Variants in PIGQ observed in about 807,000 individuals in gnomAD.
The protein encoded by PIGQ is phosphatidylinositol glycan anchor biosynthesis class Q.
A neutral mutation model predicts 60.3 loss-of-function variants in PIGQ; 54 were observed. The observed-to-expected ratio is 0.90, with a 90% CI of 0.72 to 1.12. The LOEUF is 1.12. Ranked by LOEUF, PIGQ falls within the 50% of genes most tolerant of loss-of-function variation. The pLI is 0.00. For missense variants in PIGQ, 799 were observed against 793.5 expected, an observed-to-expected ratio of 1.01 and a Z score of -0.08; for synonymous variants, 416 against 363.7, an observed-to-expected ratio of 1.14 and a Z score of -1.64.
Position 574,341 on chromosome 16 carries a change from C to G in PIGQ, c.267C>G (p.Pro89=). 1.2e-6 allele frequency: 2 copies of G among 1,609,128 alleles called. No homozygotes were observed. Among genetic ancestry groups the G allele is most frequent in the Non-Finnish European group, 1.7e-6 (2 of 1,179,446 alleles). Residue 89 remains proline, a synonymous_variant, in exon 2 of 11, where the codon CCC becomes CCG. Transcript: ENST00000321878. ...TGGAGAGCCTGGGTGCTGTCTTCCC[C>G]CATGAGCCCTGGCTGCGGCTGTGCC... ...RFLESLGAVF[P]HEPWLRLCRE... is the part of the protein sequence containing the mutation.
intron 9 of PIGQ, chr16:581,346 G>A: frequency 1.6e-6 from 2 of 1,219,694 alleles, no homozygotes; most frequent in South Asian, 1.5e-5. Context: ...CATCCAGTAA[G>A]TGCCCCGTCC....
At chr16:572,943 G>A (rs963835675) in intron 1 of PIGQ, among the ~76,000 whole-genome samples, 2 of 152,228 alleles carry the variant, frequency 1.3e-5, no homozygotes, top group Admixed American at 6.5e-5. Context: ...CAGGGTGGCC[G>A]CTCCACTCTT....
chr16:581,280 G>A, intron 9 of PIGQ: 1 of 1,340,816 alleles, frequency 7.5e-7, no homozygotes, highest in Middle Eastern at 2.0e-4. Context: ...CTGAACTGCA[G>A]GCCAGGGGCC....
At chr16:582,210 C>T (rs755723157) in intron 9 of PIGQ, 38 bp from the exon 10 acceptor site, 2 of 1,442,762 alleles carry the variant, frequency 1.4e-6, no homozygotes, top group Non-Finnish European at 1.9e-6. Flanking sequence ...GGGCCAGCCC[C>T]CACGCGTCCC....
chr16:583,701 G>C lies in PIGQ; in HGVS notation c.*666G>C. On this transcript the variant is annotated 3_prime_UTR_variant, in exon 11 of 11. Transcript: ENST00000321878. ...GGGGCGGGAGCAGCCTCAGTGTCAA[G>C]GGCCCGCCCACTGACCCAGCCGTAC... The C allele has an allele frequency of 1.3e-6, 2 of 1,569,724 alleles. No individual in the cohort carries two copies. The highest frequency in any genetic ancestry group is 1.7e-6 in the Non-Finnish European group (2 of 1,147,290).
rs781446048 is a variant in PIGQ at position 583,006 on chromosome 16, T to A, written c.1717T>A (p.Trp573Arg). Residue 573 changes from tryptophan to arginine, a missense_variant, in exon 11 of 11, where the codon TGG (tryptophan) becomes AGG (arginine). Trp to Arg is a moderately radical substitution (Grantham distance 101). Transcript: ENST00000321878. The part of the protein sequence containing the change: ...KLFLGELIYP[W>R]RQRGDKQD The stretch of plus-strand genomic sequence containing the variant: ...GTTCCTTGGGGAGCTCATCTACCCC[T>A]GGAGGCAGAGAGGGGACAAGCAGGA... 21 of 1,613,096 alleles carry A rather than the reference T, an allele frequency of 1.3e-5. No homozygotes were observed. Among genetic ancestry groups the A allele is most frequent in the Non-Finnish European group, 1.8e-5 (21 of 1,179,972 alleles).
Position 575,845 on chromosome 16 carries a change from C to G in PIGQ, c.696C>G (p.Phe232Leu). ...CCTCTCCACTCCCACGCAGAGTGTT[C>G]AAGCTCTGGCCCCTGTCCTTCCTCG... Reference protein sequence around the residue: ...LVSAVSACRVFKLWPLSFLGS... With the variant: ...LVSAVSACRVLKLWPLSFLGS... The change falls in exon 3 of 11, where the codon TTC becomes TTG. Residue 232 changes from phenylalanine (F) to leucine (L), a missense_variant. Coordinates refer to ENST00000321878, the MANE Select transcript of PIGQ (RefSeq NM_004204.5). The G allele has an allele frequency of 1.3e-6, 2 of 1,564,600 alleles. No individual in the cohort carries two copies. The highest frequency in any genetic ancestry group is 1.7e-6 in the Non-Finnish European group (2 of 1,153,986).
chr16:574,135 G>A lies in PIGQ; in HGVS notation c.61G>A (p.Gly21Arg), dbSNP rs763713766. 1 of 1,611,814 alleles carries A rather than the reference G, an allele frequency of 6.2e-7. No individual in the cohort carries two copies. The highest frequency in any genetic ancestry group is 2.2e-5 in the East Asian group (1 of 44,870). Residue 21 changes from glycine to arginine, a missense_variant, in exon 2 of 11, where the codon GGA (glycine) becomes AGA (arginine). Physicochemically the swap from Gly to Arg is moderately radical, Grantham distance 125 (BLOSUM62 -2). Coordinates refer to ENST00000321878, the MANE Select transcript of PIGQ (RefSeq NM_004204.5). ...CTCGACGGACAGCGGGCTGCTGGTG[G>A]GACGGTGGGTGCCGGAGCAGAGCAG... Reference protein sequence around the residue: ...CVSTDSGLLVGRWVPEQSSAV... With the variant: ...CVSTDSGLLVRRWVPEQSSAV...
At position 575,900 on chromosome 16, in the gene PIGQ, C is replaced by A. The variant is rs368598376; in HGVS notation, c.751C>A (p.Arg251=). The change falls in exon 3 of 11, where the codon CGG becomes AGG. Residue 251 remains arginine, a synonymous_variant. Transcript: ENST00000321878. Reference sequence around the variant, plus strand: ...CAAACTCTCCACGTGCGAACAGCTCCGGCACCGGCTGGAGCACCTCACGCT... The same window carrying A: ...CAAACTCTCCACGTGCGAACAGCTCAGGCACCGGCTGGAGCACCTCACGCT... ...GSKLSTCEQL[R]HRLEHLTLIF... The A allele has an allele frequency of 2.5e-6, 4 of 1,577,308 alleles. No homozygotes were observed. In the African/African-American group the frequency reaches 4.0e-5, roughly 16 times the overall value.
chr16:573,628 C>T (rs2035668392), intron 1 of PIGQ, among the ~76,000 whole-genome samples: 1 of 152,210 alleles, frequency 6.6e-6, no homozygotes, highest in South Asian at 2.1e-4. Context: ...CGTGACCTTG[C>T]TAATGAGATT....
At chr16:572,369 C>T (rs2035644251) in intron 1 of PIGQ, 5 of 382,592 alleles carry the variant, frequency 1.3e-5, no homozygotes, top group South Asian at 5.8e-5. Context: ...TCAGCTAGAA[C>T]CCACCGCCTT....
chr16:578,316 T>TG (rs750608394), intron 4 of PIGQ, 63 bp from the exon 5 acceptor site: 4 of 1,554,142 alleles, frequency 2.6e-6, no homozygotes, highest in Non-Finnish European at 3.5e-6. Context: ...CGAAAGAGCC[T>TG]GGGGAGATGC....
Position 579,093 on chromosome 16 carries a change from C to T in PIGQ, c.1248C>T (p.Gly416=). The T allele has an allele frequency of 2.5e-6, 4 of 1,612,790 alleles. No individual in the cohort carries two copies. The highest frequency in any genetic ancestry group is 3.4e-6 in the Non-Finnish European group (4 of 1,179,760). The part of the protein sequence containing the change: ...GARLYCLKIH[G]LSSLWRLFRG... ...GGCTGTACTGCCTGAAGATCCATGG[C>T]CTGTCCTCACTGTGGCGTCTGTTCC... The change falls in exon 7 of 11, where the codon GGC becomes GGT. Residue 416 remains glycine, a synonymous_variant. Coordinates refer to ENST00000321878, the MANE Select transcript of PIGQ (RefSeq NM_004204.5).
rs1168037062 is a variant in PIGQ, at chr16:580,920, C to T, written c.1479C>T (p.Ser493=). 8 of 1,610,630 alleles carry T rather than the reference C, an allele frequency of 5.0e-6. No individual in the cohort carries two copies. Among genetic ancestry groups the T allele is most frequent in the Admixed American group, 1.7e-5 (1 of 60,036 alleles). Residue 493 remains serine, a synonymous_variant, in exon 9 of 11, where the codon TCC becomes TCT. Transcript: ENST00000321878. ...LIHLLVDLIN[S]LPLYSLGLRL... is the part of the protein sequence containing the mutation. ...ATCTGCTCGTGGACCTCATCAACTC[C>T]CTGCCGCTGTACTCACTGGGTCTTC...
At position 579,200 on chromosome 16, in the gene PIGQ, G is replaced by A; in HGVS notation, c.1335+20G>A. 1 of 1,590,486 alleles carries A rather than the reference G, an allele frequency of 6.3e-7. No homozygotes were observed. Among genetic ancestry groups the A allele is most frequent in the Non-Finnish European group, 8.6e-7 (1 of 1,159,944 alleles). ...GACCAGGTATGGGGCAGGGTTCGTG[G>A]CTGGAGGGGCTGACTGCCTCCGGCC... On this transcript the variant is annotated intron_variant, in intron 7 of 10. Coordinates refer to ENST00000321878, the MANE Select transcript of PIGQ (RefSeq NM_004204.5).
Position 578,769 on chromosome 16 carries a change from T to C in PIGQ, c.1070-16T>C. 2 of 1,610,946 alleles carry C rather than the reference T, an allele frequency of 1.2e-6. No homozygotes were observed. Among genetic ancestry groups the C allele is most frequent in the South Asian group, 2.2e-5 (2 of 90,944 alleles). The stretch of plus-strand genomic sequence containing the variant: ...GGGGTCTGAGCGCCTCCTGAGGGCC[T>C]ACCCCACCCTGCCAGGCTACATCCA... On this transcript the variant is annotated splice_polypyrimidine_tract_variant and intron_variant, in intron 5 of 10. Coordinates refer to ENST00000321878, the MANE Select transcript of PIGQ (RefSeq NM_004204.5).
At chr16:576,623 A>G in intron 4 of PIGQ, 1 of 462,462 alleles carries the variant, frequency 2.2e-6, no homozygotes. Flanking sequence ...GGGTCATGAA[A>G]CCTTTCCTGT....
intron 4 of PIGQ, 45 bp from the exon 5 acceptor site, chr16:578,334 G>C (rs375526666): frequency 1.9e-6 from 3 of 1,581,748 alleles, no homozygotes; most frequent in Non-Finnish European, 2.6e-6. Flanking sequence ...TGCAGGTGCT[G>C]AGCCTGGCTG....
intron 2 of PIGQ, among the ~76,000 whole-genome samples, chr16:575,464 G>A (rs966061992): frequency 5.9e-5 from 9 of 152,194 alleles, no homozygotes; most frequent in Admixed American, 5.9e-4. Context: ...GAAGCCTGGG[G>A]TGAGAAGCTA....
Sources: gnomAD v4.1 joint callset for allele counts (sites outside exome capture counted in the v4.1 genomes callset) on GRCh38, gnomAD v4.1.1 for gene constraint, MANE v1.5 for transcripts, NCBI Gene and HGNC (gene_info 2026-07-23, HGNC 2026-07-21) for gene names.